CRPPA: variants seen among roughly 807,000 people sequenced by gnomAD.
CRPPA encodes the protein D-ribitol-5-phosphate cytidylyltransferase.
A neutral mutation model predicts 52.0 loss-of-function variants in CRPPA; 43 were observed. That is an observed-to-expected ratio of 0.83 (90% CI 0.65 to 1.07). The LOEUF is 1.07. Ranked by LOEUF, CRPPA falls within the 50% of genes least tolerant of loss-of-function variation. CRPPA has a pLI of 0.00. For synonymous variants in CRPPA, 250 were observed against 203.5 expected, an observed-to-expected ratio of 1.23 and a Z score of -1.94; for missense variants, 629 against 551.7, an observed-to-expected ratio of 1.14 and a Z score of -1.40.
chr7:16,398,980 G>A (rs2128316758), intron 2 of CRPPA, among the ~76,000 whole-genome samples: 1 of 152,358 alleles, frequency 6.6e-6, no homozygotes, highest in African/African-American at 2.4e-5. Flanking sequence ...ACCAGCCCAT[G>A]GCCGGAATGT....
chr7:16,270,283 T>C (rs963791762), intron 6 of CRPPA: 1 of 152,122 alleles, frequency 6.6e-6, no homozygotes, highest in African/African-American at 2.4e-5. Flanking sequence ...ACCATCTGGT[T>C]CCTTTAGGAA....
intron 2 of CRPPA, among the ~76,000 whole-genome samples, chr7:16,396,816 T>C (rs10243958): frequency 0.22 from 34,058 of 152,062 alleles, 6,514 homozygotes; most frequent in African/African-American, 0.52. Context: ...ATGTGTGGCA[T>C]GTGTGATGGA....
chr7:16,150,290 T>C (rs1325009100), intron 9 of CRPPA, among the ~76,000 whole-genome samples: 1 of 152,200 alleles, frequency 6.6e-6, no homozygotes. Flanking sequence ...TCAGCAACTT[T>C]CTTACTTTCT....
At chr7:16,141,889 C>T (rs1782880092) in intron 9 of CRPPA, among the ~76,000 whole-genome samples, 1 of 152,120 alleles carries the variant, frequency 6.6e-6, no homozygotes, top group African/African-American at 2.4e-5. Context: ...TCCTGTCACC[C>T]TACTATCCCA....
chr7:16,134,495 T>C (rs559740666), intron 9 of CRPPA, among the ~76,000 whole-genome samples: 45 of 152,336 alleles, frequency 3.0e-4, no homozygotes, highest in Non-Finnish European at 5.6e-4. Flanking sequence ...ATACAAAATA[T>C]GTATTAATCA....
intron 6 of CRPPA, chr7:16,269,596 C>CT (rs1462429333): frequency 6.6e-6 from 1 of 152,052 alleles, no homozygotes; most frequent in African/African-American, 2.4e-5. Flanking sequence ...GAAAGGTAAA[C>CT]TTTTTTTAAC....
chr7:16,181,009 G>T (rs958354358), intron 9 of CRPPA, among the ~76,000 whole-genome samples: 2 of 151,820 alleles, frequency 1.3e-5, no homozygotes, highest in Non-Finnish European at 2.9e-5. Flanking sequence ...GATTAGAAAA[G>T]CTACACTGTA....
chr7:16,349,729 G>C (rs1213782659), intron 3 of CRPPA, among the ~76,000 whole-genome samples: 1 of 151,606 alleles, frequency 6.6e-6, no homozygotes, highest in East Asian at 1.9e-4. Flanking sequence ...AAGGAAAAGA[G>C]AATGAGAAAG....
chr7:16,195,674 T>C (rs2128391875), intron 9 of CRPPA, among the ~76,000 whole-genome samples: 1 of 152,256 alleles, frequency 6.6e-6, no homozygotes, highest in Admixed American at 6.5e-5. Context: ...AAAAAAAGCT[T>C]CTTTCCTTTC....
intron 8 of CRPPA, among the ~76,000 whole-genome samples, chr7:16,228,834 T>G (rs369800989): frequency 7.9e-5 from 12 of 152,116 alleles, no homozygotes; most frequent in African/African-American, 2.4e-4. Context: ...GAGCATAGTT[T>G]AAGTCCAACA....
intron 6 of CRPPA, among the ~76,000 whole-genome samples, chr7:16,265,519 C>T (rs1038502999): frequency 2.0e-5 from 3 of 152,182 alleles, no homozygotes; most frequent in African/African-American, 7.2e-5. Flanking sequence ...TTCCCAACAA[C>T]TACTGTTCTA....
At chr7:16,097,032 C>T (rs1468591) in intron 9 of CRPPA, among the ~76,000 whole-genome samples, 151,622 of 152,322 alleles carry the variant, frequency 1, 75,466 homozygotes, top group East Asian at 1. Context: ...GGGAGCTAAA[C>T]TTGATTTGTT....
intron 9 of CRPPA, among the ~76,000 whole-genome samples, chr7:16,152,507 TTGTTTAAAAGA>T (rs1475147562): frequency 6.6e-6 from 1 of 152,012 alleles, no homozygotes; most frequent in Non-Finnish European, 1.5e-5. Context: ...GTCATTCCCA[TTGTTTAAAAGA>T]TTTTCTGCTA....
intron 9 of CRPPA, among the ~76,000 whole-genome samples, chr7:16,214,291 A>G (rs1450425532): frequency 4.6e-5 from 7 of 152,210 alleles, no homozygotes; most frequent in Non-Finnish European, 7.3e-5. Flanking sequence ...AAAGTCAACT[A>G]CAGTGCAGTG....
chr7:16,241,612 A>T (rs1783109929), intron 8 of CRPPA, among the ~76,000 whole-genome samples: 1 of 152,210 alleles, frequency 6.6e-6, no homozygotes, highest in Non-Finnish European at 1.5e-5. Context: ...GGTACATATT[A>T]TATGAACTTG....
chr7:16,418,537 C>A (rs940163787), intron 1 of CRPPA, among the ~76,000 whole-genome samples: 2 of 152,128 alleles, frequency 1.3e-5, no homozygotes, highest in African/African-American at 4.8e-5. Context: ...CCTCAGGAAA[C>A]TTACAAGCAT....
intron 3 of CRPPA, among the ~76,000 whole-genome samples, chr7:16,370,448 C>T (rs942935929): frequency 1.3e-5 from 2 of 152,142 alleles, no homozygotes; most frequent in Non-Finnish European, 2.9e-5. Context: ...CATTGGATCC[C>T]TTGCAGACAT....
At chr7:16,197,023 A>G (rs1781752046) in intron 9 of CRPPA, among the ~76,000 whole-genome samples, 1 of 152,046 alleles carries the variant, frequency 6.6e-6, no homozygotes, top group Non-Finnish European at 1.5e-5. Context: ...AACCCTTAAA[A>G]AAAGAAAAAG....
intron 9 of CRPPA, among the ~76,000 whole-genome samples, chr7:16,213,148 T>C (rs1782197218): frequency 6.6e-6 from 1 of 152,228 alleles, no homozygotes; most frequent in Non-Finnish European, 1.5e-5. Flanking sequence ...GAACTATTCA[T>C]GCCAGAAACA....
Sources: gnomAD v4.1 joint callset for allele counts (sites outside exome capture counted in the v4.1 genomes callset) on GRCh38, gnomAD v4.1.1 for gene constraint, MANE v1.5 for transcripts, NCBI Gene and HGNC (gene_info 2026-07-23, HGNC 2026-07-21) for gene names.